Variants in ARFGEF2 observed in about 807,000 individuals in gnomAD.
The protein encoded by ARFGEF2 is ARF guanine nucleotide exchange factor 2, also known as brefeldin A-inhibited guanine nucleotide-exchange protein 2.
In ARFGEF2, 74 loss-of-function variants were observed where a neutral mutation model predicts 219.9. That is an observed-to-expected ratio of 0.34 (90% CI 0.28 to 0.41). The LOEUF is 0.41. Ranked by LOEUF, ARFGEF2 falls within the 10% of genes least tolerant of loss-of-function variation. The pLI is 1.00. For missense variants in ARFGEF2, 1,743 were observed against 2,218.3 expected (o/e 0.79, Z 4.30); for synonymous variants, 733 against 799.2 (o/e 0.92, Z 1.40).
At chr20:48,989,723 G>A (rs1568724451) in intron 20 of ARFGEF2, 39 bp downstream of exon 20, 1 of 1,613,254 alleles carries the variant, frequency 6.2e-7, no homozygotes, top group Middle Eastern at 1.7e-4. Flanking sequence ...ATACTGGTGG[G>A]TTGTGCTCTT....
chr20:49,010,030 C>T (rs1468526088), intron 26 of ARFGEF2, among the ~76,000 whole-genome samples: 6 of 152,126 alleles, frequency 3.9e-5, no homozygotes, highest in African/African-American at 7.2e-5. Flanking sequence ...TTTATTGTTT[C>T]GTGATTGCAG....
chr20:48,932,158 G>T (rs1160484061), intron 1 of ARFGEF2, among the ~76,000 whole-genome samples: 1 of 152,136 alleles, frequency 6.6e-6, no homozygotes, highest in Non-Finnish European at 1.5e-5. Flanking sequence ...AGGTGGAGGG[G>T]TTGGACACCC....
intron 27 of ARFGEF2, 85 bp downstream of exon 27, chr20:49,010,489 GGGC>G: frequency 6.6e-7 from 1 of 1,514,588 alleles, no homozygotes; most frequent in Admixed American, 1.7e-5. Flanking sequence ...CTACCTACAG[GGGC>G]TTCCCTACCT....
In ARFGEF2 at chr20:48,953,874, A is replaced by G. The variant is rs1249811326; in HGVS notation, c.838+84A>G. 3 of 1,310,496 alleles carry G rather than the reference A, an allele frequency of 2.3e-6. No homozygotes were observed. In the Admixed American group the frequency reaches 5.8e-5, roughly 25 times the overall value. The allele number at this position is 1,310,496 out of a possible 1,614,324, so 81.2% of individuals were successfully genotyped here. A position where few individuals can be genotyped will look rare whatever the true frequency, so the allele number is the denominator to read the frequency against. ...GGGCAGAAGAAGTGTATGTCATAAC[A>G]TCTGAAGGAAACCTCTGATAACAGC... is the stretch of plus-strand genomic sequence containing the variant. On this transcript the variant is annotated intron_variant, in intron 6 of 38. Transcript: ENST00000371917.
At position 48,921,829 on chromosome 20, in the gene ARFGEF2, G is replaced by T; in HGVS notation, c.-61G>T. Reference sequence around the variant, plus strand: ...GCCGGGACGCCGGGCCCGCAGCCTAGCTCGCCATCTCGCTCACGCCGCCCG... The same window carrying T: ...GCCGGGACGCCGGGCCCGCAGCCTATCTCGCCATCTCGCTCACGCCGCCCG... On this transcript the variant is annotated 5_prime_UTR_variant, in exon 1 of 39. Coordinates refer to ENST00000371917, the MANE Select transcript of ARFGEF2 (RefSeq NM_006420.3). The T allele has an allele frequency of 7.0e-7, 1 of 1,434,850 alleles. No individual in the cohort carries two copies. Among genetic ancestry groups the T allele is most frequent in the Non-Finnish European group, 9.2e-7 (1 of 1,084,726 alleles). 88.9% of individuals were successfully genotyped at this position (1,434,850 alleles called of 1,614,324 possible). A position where few individuals can be genotyped will look rare whatever the true frequency, so the allele number is the denominator to read the frequency against.
chr20:48,948,666 C>T (rs2091045251), intron 3 of ARFGEF2, among the ~76,000 whole-genome samples: 1 of 152,214 alleles, frequency 6.6e-6, no homozygotes, highest in Non-Finnish European at 1.5e-5. Flanking sequence ...AAACCAACCG[C>T]ATAGCATTTT....
In ARFGEF2 at chr20:48,953,768, A is replaced by C. The variant is rs1289865175; in HGVS notation, c.816A>C (p.Arg272Ser). Reference sequence around the variant, plus strand: ...GCACAGAAAATGGAGACGCACCCAGAGAAAGAGGCTCATCACTGTCAGGTA... The same window carrying C: ...GCACAGAAAATGGAGACGCACCCAGCGAAAGAGGCTCATCACTGTCAGGTA... ...KVSTENGDAP[R>S]ERGSSLSGTD... The change falls in exon 6 of 39, where the codon AGA becomes AGC. Residue 272 changes from arginine to serine, a missense_variant. This residue lies in a region of ARFGEF2 where 394 missense variants were observed against 426.6 expected (regional missense o/e 0.92). Coordinates refer to ENST00000371917, the MANE Select transcript of ARFGEF2 (RefSeq NM_006420.3). The C allele has an allele frequency of 6.2e-7, 1 of 1,614,066 alleles. No homozygotes were observed. The highest frequency in any genetic ancestry group is 1.7e-5 in the Admixed American group (1 of 60,004).
chr20:48,965,201 C>T (rs62212426), intron 7 of ARFGEF2, among the ~76,000 whole-genome samples: 15,882 of 152,198 alleles, frequency 0.1, 978 homozygotes, highest in Non-Finnish European at 0.13. Context: ...GTCCTCCAGC[C>T]GCTACTGCAG....
chr20:48,931,660 T>G, intron 1 of ARFGEF2, among the ~76,000 whole-genome samples: 2 of 144,424 alleles, frequency 1.4e-5, no homozygotes, highest in South Asian at 2.3e-4. Context: ...GGGTGAGCCA[T>G]GGAGATATCT....
chr20:49,028,393 T>G, intron 36 of ARFGEF2, 137 bp from the exon 37 acceptor site: 1 of 956,338 alleles, frequency 1.0e-6, no homozygotes, highest in Non-Finnish European at 1.6e-6. Flanking sequence ...GCACTCCAGC[T>G]TAGGTGACAG....
chr20:48,989,626 C>G lies in ARFGEF2; in HGVS notation c.2756C>G (p.Ser919Cys). Residue 919 changes from serine to cysteine, a missense_variant, in exon 20 of 39, where the codon TCC (serine) becomes TGC (cysteine). Ser to Cys is a moderately radical substitution (Grantham distance 112, BLOSUM62 -1). This residue lies in a region of ARFGEF2 where 666 missense variants were observed against 955.4 expected (regional missense o/e 0.70). Transcript: ENST00000371917. ...AACTGTGATGACACTGAAGTGGCCT[C>G]CTTGTGTTTGGAAGGCATCCGATGT... ...LQNCDDTEVA[S>C]LCLEGIRCAI... 6.2e-7 allele frequency: 1 copy of G among 1,614,192 alleles called. No individual in the cohort carries two copies. The highest frequency in any genetic ancestry group is 8.5e-7 in the Non-Finnish European group (1 of 1,180,038).
intron 9 of ARFGEF2, among the ~76,000 whole-genome samples, chr20:48,970,242 G>A (rs149743166): frequency 0.011 from 1,638 of 152,206 alleles, 14 homozygotes; most frequent in Middle Eastern, 0.024. Flanking sequence ...TTGAACCCAG[G>A]AGGCAGAGGT....
At chr20:48,994,278 G>A (rs1033689285) in intron 21 of ARFGEF2, among the ~76,000 whole-genome samples, 173 bp from the exon 22 acceptor site, 8 of 152,152 alleles carry the variant, frequency 5.3e-5, no homozygotes, top group African/African-American at 1.4e-4. Flanking sequence ...GGAATCCGCC[G>A]CCCCAGTCAA....
chr20:48,996,572 A>G (rs1184191069), intron 23 of ARFGEF2, among the ~76,000 whole-genome samples: 1 of 151,674 alleles, frequency 6.6e-6, no homozygotes, highest in East Asian at 1.9e-4. Flanking sequence ...CCATGTCTCT[A>G]CTAAAATACA....
At chr20:49,014,447 A>G (rs2091518569) in intron 30 of ARFGEF2, among the ~76,000 whole-genome samples, 1 of 152,054 alleles carries the variant, frequency 6.6e-6, no homozygotes, top group Non-Finnish European at 1.5e-5. Context: ...TAGGCTCAGG[A>G]TTTTTAGATG....
rs751034758 is a variant in ARFGEF2, at chr20:49,025,376, T to G, written c.4819T>G (p.Ser1607Ala). Residue 1607 changes from serine to alanine, a missense_variant, in exon 36 of 39, where the codon TCT (serine) becomes GCT (alanine). Physicochemically the swap from Ser to Ala is moderately conservative, Grantham distance 99. Coordinates refer to ENST00000371917, the MANE Select transcript of ARFGEF2 (RefSeq NM_006420.3). ...GGATCAGGGCATGTATAAGTACATG[T>G]CTTCCCAGCACCTCTTCAAGCTGTT... ...TEDQGMYKYM[S>A]SQHLFKLLDC... 1 of 1,614,022 alleles carries G rather than the reference T, an allele frequency of 6.2e-7. No individual in the cohort carries two copies. The highest frequency in any genetic ancestry group is 8.5e-7 in the Non-Finnish European group (1 of 1,179,948).
intron 3 of ARFGEF2, among the ~76,000 whole-genome samples, chr20:48,950,811 A>AAATATATAT (rs1176537072): frequency 6.2e-5 from 4 of 64,510 alleles, no homozygotes; most frequent in South Asian, 6.1e-4. Flanking sequence ...AAAAAAAAAA[A>AAATATATAT]ATATATATAT....
At chr20:48,926,078 C>T (rs1173649341) in intron 1 of ARFGEF2, among the ~76,000 whole-genome samples, 4 of 152,098 alleles carry the variant, frequency 2.6e-5, no homozygotes, top group Non-Finnish European at 5.9e-5. Flanking sequence ...CACTGAGGCC[C>T]AGAGAAGTTA....
In ARFGEF2 at chr20:48,924,056, A is replaced by G. The variant is rs151230956; in HGVS notation, c.121+2046A>G. Among the ~76,000 whole-genome samples, 1,063 of 152,322 alleles carry G rather than the reference A, an allele frequency of 7.0e-3. 14 individuals are homozygous for G. The highest frequency in any genetic ancestry group is 0.023 in the African/African-American group (973 of 41,578). ...AACTGTCATAAGGGAACGTATGCATATTGTTAAGTGACCATCTTTTTTAAG... is the reference window on the plus strand; with the variant it reads ...AACTGTCATAAGGGAACGTATGCATGTTGTTAAGTGACCATCTTTTTTAAG... On this transcript the variant is annotated intron_variant, in intron 1 of 38. Coordinates refer to ENST00000371917, the MANE Select transcript of ARFGEF2 (RefSeq NM_006420.3).
Sources: gnomAD v4.1 joint callset for allele counts (sites outside exome capture counted in the v4.1 genomes callset) on GRCh38, gnomAD v4.1.1 for gene constraint, gnomAD v4.1.1 regional missense constraint, MANE v1.5 for transcripts, NCBI Gene and HGNC (gene_info 2026-07-23, HGNC 2026-07-21) for gene names.